TICRR: variants seen among roughly 807,000 people sequenced by gnomAD.
TICRR encodes the protein treslin.
TICRR carries 132 observed loss-of-function variants against 178.1 expected under a neutral mutation model. The ratio of observed to expected loss-of-function variants is 0.74; its 90% CI spans 0.64 to 0.86. The LOEUF is 0.86. Ranked by LOEUF, TICRR falls within the 40% of genes least tolerant of loss-of-function variation. The pLI, the probability that TICRR is intolerant of heterozygous loss-of-function variation, is 0.00. For missense variants in TICRR, 2,587 were observed against 2,334.3 expected (o/e 1.11, Z -2.23); for synonymous variants, 991 against 900.7 (o/e 1.10, Z -1.79).
intron 15 of TICRR, among the ~76,000 whole-genome samples, chr15:89,611,791 C>A (rs185693436): frequency 3.5e-4 from 53 of 152,184 alleles, no homozygotes; most frequent in African/African-American, 1.3e-3. Context: ...CATTTCAGCT[C>A]CAGAATTTCT....
Position 89,599,378 on chromosome 15 carries a change from CTG to C in TICRR, c.1958_1959del (p.Val653GlyfsTer19), listed in dbSNP as rs1357655024. On this transcript the variant is annotated frameshift_variant, in exon 8 of 22. Transcript: ENST00000268138. LOFTEE classifies it high-confidence loss of function. The stretch of plus-strand genomic sequence containing the variant: ...TATATACGTGAAAATTACCAAAAGA[CTG>C]TGGCCACAGGAGAAATCATGTTGTA... 1.9e-6 allele frequency: 3 copies of C among 1,613,582 alleles called. No individual in the cohort carries two copies. Among genetic ancestry groups the C allele is most frequent in the South Asian group, 1.1e-5 (1 of 91,010 alleles).
At chr15:89,576,960 G>A (rs1431876577) in intron 1 of TICRR, among the ~76,000 whole-genome samples, 2 of 151,158 alleles carry the variant, frequency 1.3e-5, no homozygotes, top group Non-Finnish European at 2.9e-5. Flanking sequence ...CTGGAATGCA[G>A]TGGCTCACTG....
intron 15 of TICRR, among the ~76,000 whole-genome samples, chr15:89,610,328 T>C (rs559824717): frequency 6.6e-6 from 1 of 152,358 alleles, no homozygotes; most frequent in Admixed American, 6.5e-5. Context: ...GCTATTATTG[T>C]TGAATTATTT....
At position 89,595,398 on chromosome 15, in the gene TICRR, G is replaced by T. The variant is rs1327946373; in HGVS notation, c.1687G>T (p.Val563Phe). The T allele has an allele frequency of 3.7e-6, 6 of 1,612,900 alleles. 1 individual carries two copies. The African/African-American group carries it at 8.0e-5, about 22-fold the overall frequency. ...CTCTGATGTTGTTTTGGTAGGAGGG[G>T]TCCCTCGTACTCCAGTGAGACAGAA... ...HQEDSKKKRG[V>F]PRTPVRQKMN... is the part of the protein sequence containing the mutation. The change falls in exon 7 of 22, where the codon GTC (valine) becomes TTC (phenylalanine). Residue 563 changes from valine to phenylalanine, a missense_variant. Coordinates refer to ENST00000268138, the MANE Select transcript of TICRR (RefSeq NM_152259.4).
chr15:89,608,154 A>G (rs919621661), intron 14 of TICRR, among the ~76,000 whole-genome samples: 6 of 152,188 alleles, frequency 3.9e-5, no homozygotes, highest in South Asian at 2.1e-4. Flanking sequence ...TTCTAACTCA[A>G]TAAGTGGTGG....
chr15:89,603,202 C>T (rs1003273314), intron 13 of TICRR, among the ~76,000 whole-genome samples: 1 of 152,146 alleles, frequency 6.6e-6, no homozygotes, highest in African/African-American at 2.4e-5. Flanking sequence ...GCAAAGCAGT[C>T]ACTGGAAGAG....
intron 2 of TICRR, 139 bp from the exon 3 acceptor site, chr15:89,584,147 G>A (rs749173213): frequency 2.9e-5 from 24 of 819,134 alleles, no homozygotes; most frequent in Admixed American, 6.2e-5. Flanking sequence ...TCAACTAAGT[G>A]ACAGTATCTC....
Position 89,624,227 on chromosome 15 carries a change from T to C in TICRR, c.3917T>C (p.Val1306Ala). ...TCAACTGTGACTTCTTCCCCACCTG[T>C]TACGCCAAAGAAACTGTTTACCTCT... ...GNSTVTSSPP[V>A]TPKKLFTSPL... Residue 1306 changes from valine to alanine, a missense_variant, in exon 20 of 22, where the codon GTT becomes GCT. Physicochemically the swap from Val to Ala is moderately conservative, Grantham distance 64 (BLOSUM62 0). Transcript: ENST00000268138. 2 of 1,614,208 alleles carry C rather than the reference T, an allele frequency of 1.2e-6. No homozygotes were observed. Among genetic ancestry groups the C allele is most frequent in the South Asian group, 1.1e-5 (1 of 91,084 alleles).
chr15:89,612,311 G>A (rs532146792), intron 15 of TICRR, among the ~76,000 whole-genome samples: 76 of 152,180 alleles, frequency 5.0e-4, no homozygotes, highest in African/African-American at 1.7e-3. Flanking sequence ...GGAGGGGGAA[G>A]GTGTGTCTGT....
intron 4 of TICRR, 80 bp downstream of exon 4, chr15:89,586,022 GT>G: frequency 9.9e-7 from 1 of 1,012,156 alleles, no homozygotes; most frequent in Non-Finnish European, 1.5e-6. Flanking sequence ...TCACTGTGCA[GT>G]TAGTAGAACC....
At chr15:89,604,067 T>C (rs1414001161) in intron 13 of TICRR, among the ~76,000 whole-genome samples, 1 of 152,190 alleles carries the variant, frequency 6.6e-6, no homozygotes, top group Non-Finnish European at 1.5e-5. Context: ...GGAATCTGTT[T>C]ACTAAGTAGA....
Position 89,575,643 on chromosome 15 carries a change from C to T in TICRR, c.57C>T (p.Arg19=). The T allele has an allele frequency of 6.4e-7, 1 of 1,564,320 alleles. No homozygotes were observed. The highest frequency in any genetic ancestry group is 8.6e-7 in the Non-Finnish European group (1 of 1,157,630). The change falls in exon 1 of 22, where the codon CGC becomes CGT. Residue 19 remains arginine, a synonymous_variant. Coordinates refer to ENST00000268138, the MANE Select transcript of TICRR (RefSeq NM_152259.4). The part of the protein sequence containing the change: ...LLLDTAGGAA[R]HSRVRRAALR... ...TGGACACCGCGGGCGGCGCCGCCCG[C>T]CACAGCCGGGTCCGGCGGGCCGCCC...
At chr15:89,613,560 A>G (rs1963285734) in intron 15 of TICRR, among the ~76,000 whole-genome samples, 1 of 151,978 alleles carries the variant, frequency 6.6e-6, no homozygotes, top group African/African-American at 2.4e-5. Flanking sequence ...GTTGTGCTTG[A>G]TGGTGTCACA....
intron 7 of TICRR, among the ~76,000 whole-genome samples, chr15:89,598,488 G>C (rs997663382): frequency 6.6e-6 from 1 of 151,820 alleles, no homozygotes; most frequent in African/African-American, 2.4e-5. Flanking sequence ...TCAGCCTCCT[G>C]AGTAGCTGGG....
rs773552864 is a variant in TICRR, at chr15:89,603,122, AAGTT to A, written c.2664+233_2664+236del. On this transcript the variant is annotated intron_variant, in intron 13 of 21. Transcript: ENST00000268138. ...TAATGTGAAGAAAAATGGCAAGTAA[AAGTT>A]AGGAATGAATTAATTCAAAATCTTT... is the stretch of plus-strand genomic sequence containing the variant. 5.3e-5 allele frequency among the ~76,000 whole-genome samples: 8 copies of A among 152,296 alleles called. No individual in the cohort carries two copies. The East Asian group carries it at 5.8e-4, about 11-fold the overall frequency.
intron 18 of TICRR, 39 bp from the exon 19 acceptor site, chr15:89,621,354 G>T: frequency 1.3e-6 from 2 of 1,577,748 alleles, no homozygotes; most frequent in South Asian, 1.2e-5. Context: ...AACAGGAATT[G>T]AGAAAGAATT....
rs1208306774 is a variant in TICRR, at chr15:89,621,508, T to C, written c.3270T>C (p.Arg1090=). The part of the protein sequence containing the change: ...SEKGSARMKK[R]SRNTLDSEVP... ...AGGGTTCAGCTCGAATGAAAAAGCG[T>C]TCAAGAAACACTTTGGATTCGGAGG... is the stretch of plus-strand genomic sequence containing the variant. The change falls in exon 19 of 22, where the codon CGT becomes CGC. Residue 1090 remains arginine (R), a synonymous_variant. Transcript: ENST00000268138. 1.9e-6 allele frequency: 3 copies of C among 1,613,930 alleles called. No individual in the cohort carries two copies. The South Asian group carries it at 3.3e-5, about 18-fold the overall frequency.
chr15:89,597,126 T>C (rs1303425098), intron 7 of TICRR, among the ~76,000 whole-genome samples: 2 of 152,212 alleles, frequency 1.3e-5, no homozygotes, highest in Non-Finnish European at 2.9e-5. Context: ...TTTATTAATG[T>C]TTGAATATTC....
intron 7 of TICRR, 103 bp from the exon 8 acceptor site, chr15:89,599,221 T>C: frequency 1.1e-6 from 1 of 918,464 alleles, no homozygotes; most frequent in Non-Finnish European, 1.6e-6. Flanking sequence ...GGCCAAATGT[T>C]CCCTGCAAGG....
Sources: allele counts gnomAD v4.1 joint callset (sites outside exome capture counted in the v4.1 genomes callset), GRCh38; gene constraint gnomAD v4.1.1; transcripts MANE v1.5; gene names NCBI Gene and HGNC (gene_info 2026-07-23, HGNC 2026-07-21).